Variants in DACH2 observed in about 807,000 individuals in gnomAD.
DACH2 encodes the protein dachshund family transcription factor 2.
In DACH2, 17 loss-of-function variants were observed where a neutral mutation model predicts 35.8. The ratio of observed to expected loss-of-function variants is 0.48; its 90% CI spans 0.33 to 0.71. DACH2 has a LOEUF of 0.71. Ranked by LOEUF, DACH2 falls within the 30% of genes least tolerant of loss-of-function variation. The pLI is 0.02. For synonymous variants in DACH2, 195 were observed against 177.3 expected (o/e 1.10, Z -0.79); for missense variants, 469 against 472.7 (o/e 0.99, Z 0.07).
chrX:86,414,088 C>A (rs969907185), intron 2 of DACH2, among the ~76,000 whole-genome samples: 1 of 111,450 alleles, frequency 9.0e-6, no homozygotes, highest in African/African-American at 3.3e-5. Context: ...TAGTGGGATT[C>A]TTCCTCAAGG....
At chrX:86,339,129 C>A (rs983706017) in intron 1 of DACH2, among the ~76,000 whole-genome samples, 1 of 111,584 alleles carries the variant, frequency 9.0e-6, no homozygotes, top group African/African-American at 3.3e-5. Flanking sequence ...CTGAATTCTA[C>A]CAGAGGTACA....
At chrX:86,630,196 C>T (rs2040183898) in intron 3 of DACH2, among the ~76,000 whole-genome samples, 1 of 109,948 alleles carries the variant, frequency 9.1e-6, no homozygotes, top group Admixed American at 9.8e-5. Context: ...ATGTGTAAAG[C>T]TTTGAAAAAA....
At chrX:86,535,643 T>C (rs1196710331) in intron 3 of DACH2, among the ~76,000 whole-genome samples, 1 of 110,723 alleles carries the variant, frequency 9.0e-6, no homozygotes, top group Non-Finnish European at 1.9e-5. Flanking sequence ...GGTTCTTGCC[T>C]TAGCCACGCC....
At chrX:86,810,121 A>G (rs968608368) in intron 7 of DACH2, among the ~76,000 whole-genome samples, 8 of 111,794 alleles carry the variant, frequency 7.2e-5, no homozygotes, top group Non-Finnish European at 1.1e-4. Context: ...ATTACAAACC[A>G]TAGACCATGC....
At chrX:86,396,800 T>C (rs2036304051) in intron 2 of DACH2, among the ~76,000 whole-genome samples, 1 of 111,008 alleles carries the variant, frequency 9.0e-6, no homozygotes, top group Admixed American at 9.6e-5. Context: ...AGCCTTGTAG[T>C]ATAGTTTGAA....
At chrX:86,286,602 T>C (rs958577290) in intron 1 of DACH2, among the ~76,000 whole-genome samples, 1 of 111,193 alleles carries the variant, frequency 9.0e-6, no homozygotes, top group African/African-American at 3.3e-5. Flanking sequence ...TTTCTTGCTT[T>C]ATATATATAT....
intron 1 of DACH2, among the ~76,000 whole-genome samples, chrX:86,218,881 G>A (rs926293505): frequency 2.7e-5 from 3 of 111,551 alleles, no homozygotes; most frequent in Admixed American, 9.6e-5. Context: ...TTATCCCTGG[G>A]TTGAAATGTG....
chrX:86,589,999 A>G (rs1439737365), intron 3 of DACH2, among the ~76,000 whole-genome samples: 3 of 111,717 alleles, frequency 2.7e-5, no homozygotes, highest in Non-Finnish European at 3.8e-5. Flanking sequence ...ACACTTAGGA[A>G]ACACAGATAA....
chrX:86,755,914 A>G (rs901188077), intron 7 of DACH2, among the ~76,000 whole-genome samples: 2 of 110,325 alleles, frequency 1.8e-5, no homozygotes, highest in Non-Finnish European at 3.8e-5. Context: ...TTTTTTTTAT[A>G]TGGTGAGAGA....
intron 2 of DACH2, among the ~76,000 whole-genome samples, chrX:86,413,355 T>A (rs967202674): frequency 3.6e-5 from 4 of 112,112 alleles, no homozygotes; most frequent in Admixed American, 1.9e-4. Context: ...CTGGTGGGCC[T>A]TATGGACAGG....
chrX:86,723,011 TG>T (rs2041424874), intron 6 of DACH2, among the ~76,000 whole-genome samples: 2 of 111,976 alleles, frequency 1.8e-5, no homozygotes, highest in Non-Finnish European at 3.8e-5. Context: ...TACTCATTAT[TG>T]TTCTGCTCAG....
intron 1 of DACH2, among the ~76,000 whole-genome samples, chrX:86,281,418 G>T (rs2147984262): frequency 9.0e-6 from 1 of 111,657 alleles, no homozygotes; most frequent in South Asian, 3.8e-4. Flanking sequence ...TATCTCAGTA[G>T]ATGCAGAAAA....
intron 2 of DACH2, among the ~76,000 whole-genome samples, chrX:86,393,830 G>C (rs1389193211): frequency 2.7e-5 from 3 of 110,991 alleles, no homozygotes; most frequent in African/African-American, 9.8e-5. Flanking sequence ...AATGGAGAAA[G>C]AATGAGTACC....
chrX:86,789,514 T>G (rs950408108), intron 7 of DACH2, among the ~76,000 whole-genome samples: 2 of 112,119 alleles, frequency 1.8e-5, no homozygotes, highest in Non-Finnish European at 3.8e-5. Context: ...CTATTTCAAA[T>G]GCTCTATACA....
intron 1 of DACH2, among the ~76,000 whole-genome samples, chrX:86,180,176 G>GTATATATATATGTATATATATATA (rs2031435028): frequency 1.2e-4 from 5 of 42,930 alleles, no homozygotes; most frequent in Non-Finnish European, 2.4e-4. Flanking sequence ...ATGCTAAACC[G>GTATATATATATGTATATATATATA]TATATATATA....
chrX:86,365,636 G>A (rs1014805282), intron 1 of DACH2, among the ~76,000 whole-genome samples: 1 of 111,474 alleles, frequency 9.0e-6, no homozygotes, highest in African/African-American at 3.3e-5. Context: ...TTGCATTGAA[G>A]ACTTAATATA....
chrX:86,574,640 T>C (rs1016372315), intron 3 of DACH2, among the ~76,000 whole-genome samples: 1 of 111,750 alleles, frequency 8.9e-6, no homozygotes, highest in Non-Finnish European at 1.9e-5. Context: ...TTTAAAACTT[T>C]AAGTATTTTA....
chrX:86,716,457 G>A (rs2041337236), intron 6 of DACH2, among the ~76,000 whole-genome samples: 1 of 111,618 alleles, frequency 9.0e-6, no homozygotes, highest in African/African-American at 3.3e-5. Context: ...CTGCTTAGGC[G>A]CCTAAGGAGA....
chrX:86,371,072 C>A (rs770711926), intron 1 of DACH2, among the ~76,000 whole-genome samples: 1 of 110,994 alleles, frequency 9.0e-6, no homozygotes, highest in African/African-American at 3.3e-5. Flanking sequence ...TGCTGAGGCT[C>A]CTCGGACAGG....
Sources: gnomAD v4.1 joint callset for allele counts (sites outside exome capture counted in the v4.1 genomes callset) on GRCh38, gnomAD v4.1.1 for gene constraint, MANE v1.5 for transcripts, NCBI Gene and HGNC (gene_info 2026-07-23, HGNC 2026-07-21) for gene names.